Variants in CFLAR observed in about 807,000 individuals in gnomAD.
CFLAR encodes the protein CASP8 and FADD like apoptosis regulator.
Under a neutral mutation model 51.1 loss-of-function variants are expected in CFLAR, and 14 were observed. The observed-to-expected ratio is 0.27, with a 90% CI of 0.18 to 0.43. CFLAR has a LOEUF of 0.43. Among genes scored for constraint, CFLAR ranks in the 20% least tolerant of loss-of-function variants. The probability of loss-of-function intolerance (pLI) is 1.00; values close to 1 mark genes in which losing one functional copy is unlikely to be tolerated. For missense variants in CFLAR, 390 were observed against 566.5 expected, an observed-to-expected ratio of 0.69 and a Z score of 3.16; for synonymous variants, 210 against 211.6, an observed-to-expected ratio of 0.99 and a Z score of 0.06.
At chr2:201,157,333 G>T (rs947210592) in intron 8 of CFLAR, among the ~76,000 whole-genome samples, 1 of 152,116 alleles carries the variant, frequency 6.6e-6, no homozygotes, top group Non-Finnish European at 1.5e-5. Flanking sequence ...TAGAGATGGG[G>T]TTTCGCCATG....
intron 9 of CFLAR, 114 bp from the exon 10 acceptor site, chr2:201,163,721 C>T (rs191924529): frequency 6.7e-7 from 1 of 1,492,710 alleles, no homozygotes; most frequent in East Asian, 2.3e-5. Flanking sequence ...GTGGTGCCTT[C>T]AGAAAGGAAC....
Position 201,160,563 on chromosome 2 carries a change from G to T in CFLAR, c.925G>T (p.Val309Leu), listed in dbSNP as rs1942874274. The change falls in exon 9 of 10, where the codon GTG (valine) becomes TTG (leucine). Residue 309 changes from valine to leucine, a missense_variant. Transcript: ENST00000309955. ...CGAGCACCGAGACTACGACAGCTTT[G>T]TGTGTGTCCTGGTGAGCCGAGGAGG... ...MPEHRDYDSF[V>L]CVLVSRGGSQ... The T allele has an allele frequency of 6.2e-7, 1 of 1,613,960 alleles. No individual in the cohort carries two copies. The highest frequency in any genetic ancestry group is 1.3e-5 in the African/African-American group (1 of 74,878).
Position 201,145,426 on chromosome 2 carries a change from G to A in CFLAR, c.655G>A (p.Ala219Thr), listed in dbSNP as rs1196972510. 11 of 1,600,378 alleles carry A rather than the reference G, an allele frequency of 6.9e-6. No individual in the cohort carries two copies. Among genetic ancestry groups the A allele is most frequent in the South Asian group, 6.7e-5 (6 of 90,144 alleles). The change falls in exon 6 of 10, where the codon GCT becomes ACT. Residue 219 changes from alanine (A) to threonine (T), a missense_variant. Ala to Thr is a moderately conservative substitution (Grantham distance 58). Transcript: ENST00000309955. ...KEQRLKEQLG[A>T]QQEPVKKSIQ... Reference sequence around the variant, plus strand: ...ACAAAGACTTAAGGAACAGCTTGGCGCTCAACGTAAGACCACCTTTTTTTA... The same window carrying A: ...ACAAAGACTTAAGGAACAGCTTGGCACTCAACGTAAGACCACCTTTTTTTA...
intron 1 of CFLAR, among the ~76,000 whole-genome samples, chr2:201,121,438 G>T (rs1422398588): frequency 6.6e-6 from 1 of 152,154 alleles, no homozygotes; most frequent in Admixed American, 6.5e-5. Context: ...CCTAGAACGA[G>T]GACCCAGGCA....
At position 201,160,797 on chromosome 2, in the gene CFLAR, G is replaced by A. The variant is rs77962008; in HGVS notation, c.1159G>A (p.Ala387Thr). The change falls in exon 9 of 10, where the codon GCT (alanine) becomes ACT (threonine). Residue 387 changes from alanine to threonine, a missense_variant. Around this residue, in one of 2 missense-constraint regions of CFLAR, gnomAD observed 287 missense variants for 363.6 expected, o/e 0.79. Transcript: ENST00000309955. ...AGCGATGAAGAATGTGGAATTCAAG[G>A]CTCAGAAGCGAGGGCTGTGCACAGT... is the stretch of plus-strand genomic sequence containing the variant. ...GPAMKNVEFK[A>T]QKRGLCTVHR... The A allele has an allele frequency of 6.2e-7, 1 of 1,614,126 alleles. No homozygotes were observed. Among genetic ancestry groups the A allele is most frequent in the African/African-American group, 1.3e-5 (1 of 75,032 alleles).
rs1944175284 is a variant in CFLAR, at chr2:201,176,546, C to T, written c.*12573C>T. 6.6e-6 allele frequency: 1 copy of T among 152,160 alleles called. No homozygotes were observed. Among genetic ancestry groups the T allele is most frequent in the Non-Finnish European group, 1.5e-5 (1 of 68,032 alleles). The allele number at this position is 152,160 out of a possible 1,614,324, so 9.4% of individuals were successfully genotyped here. A position where few individuals can be genotyped will look rare whatever the true frequency, so the allele number is the denominator to read the frequency against. Reference sequence around the variant, plus strand: ...ATAGATGTGGCTAAGTCATATGCTTCCTTCTGAAAAATTATGTCAAATACT... The same window carrying T: ...ATAGATGTGGCTAAGTCATATGCTTTCTTCTGAAAAATTATGTCAAATACT... On this transcript the variant is annotated 3_prime_UTR_variant, in exon 10 of 10. Coordinates refer to ENST00000309955, the MANE Select transcript of CFLAR (RefSeq NM_003879.7).
chr2:201,141,211 CAA>C (rs1357202932), intron 5 of CFLAR, among the ~76,000 whole-genome samples: 2 of 152,130 alleles, frequency 1.3e-5, no homozygotes, highest in Admixed American at 6.5e-5. Flanking sequence ...GCCTGGGTGA[CAA>C]GAGCAAAACT....
At chr2:201,149,420 T>C (rs1940868111) in intron 7 of CFLAR, 1 of 295,028 alleles carries the variant, frequency 3.4e-6, no homozygotes, top group Non-Finnish European at 6.4e-6. Flanking sequence ...CTTGGGAACA[T>C]GCCACTTATA....
chr2:201,170,106 A>G lies in CFLAR; in HGVS notation c.*6133A>G, dbSNP rs1943922840. ...TGTCCCAGCAATCCCATTACTGGGTATATACCCAAAGGAATATAAACCATT... is the reference window on the plus strand; with the variant it reads ...TGTCCCAGCAATCCCATTACTGGGTGTATACCCAAAGGAATATAAACCATT... On this transcript the variant is annotated 3_prime_UTR_variant, in exon 10 of 10. Transcript: ENST00000309955. The G allele has an allele frequency of 6.6e-6, 1 of 152,248 alleles. No individual in the cohort carries two copies. The highest frequency in any genetic ancestry group is 6.5e-5 in the Admixed American group (1 of 15,276). 9.4% of individuals were successfully genotyped at this position (152,248 alleles called of 1,614,324 possible).
At chr2:201,159,935 T>G (rs1318502196) in intron 8 of CFLAR, among the ~76,000 whole-genome samples, 1 of 152,110 alleles carries the variant, frequency 6.6e-6, no homozygotes, top group Non-Finnish European at 1.5e-5. Flanking sequence ...GAGGCTCCAC[T>G]TCTATGGTGG....
chr2:201,128,538 A>T (rs917286198), intron 1 of CFLAR, among the ~76,000 whole-genome samples: 1 of 152,166 alleles, frequency 6.6e-6, no homozygotes, highest in African/African-American at 2.4e-5. Context: ...TTTTCTATTT[A>T]TGTGTTTTTA....
rs1944157173 is a variant in CFLAR at position 201,175,605 on chromosome 2, C to G, written c.*11632C>G. The G allele has an allele frequency of 6.6e-6, 1 of 152,114 alleles. No individual in the cohort carries two copies. The highest frequency in any genetic ancestry group is 2.4e-5 in the African/African-American group (1 of 41,400). The allele number at this position is 152,114 out of a possible 1,614,324, so 9.4% of individuals were successfully genotyped here. Reference sequence around the variant, plus strand: ...TGCCACTGTACTCCAGCCTGGGGAACAGAGTGAGACCCTGTCTCAAAATAA... The same window carrying G: ...TGCCACTGTACTCCAGCCTGGGGAAGAGAGTGAGACCCTGTCTCAAAATAA... On this transcript the variant is annotated 3_prime_UTR_variant, in exon 10 of 10. Transcript: ENST00000309955.
Position 201,124,760 on chromosome 2 carries a change from C to T in CFLAR, c.-137-4969C>T. On this transcript the variant is annotated intron_variant, in intron 1 of 9. Coordinates refer to ENST00000309955, the MANE Select transcript of CFLAR (RefSeq NM_003879.7). This position sits in a 1 kb window ranked among gnomAD's most constrained non-coding sequence, Gnocchi z 4.7. ...TGGATGAGAGACGGATGGTAGGCAC[C>T]AGCATTTAAGGGACAGGTGCAGAAA... 6.6e-6 allele frequency among the ~76,000 whole-genome samples: 1 copy of T among 152,072 alleles called. No homozygotes were observed. The highest frequency in any genetic ancestry group is 1.9e-4 in the East Asian group (1 of 5,194).
intron 8 of CFLAR, among the ~76,000 whole-genome samples, chr2:201,159,525 G>A (rs1942755181): frequency 6.6e-6 from 1 of 151,900 alleles, no homozygotes. Context: ...GGCTAGGCTG[G>A]TCTTGAACTC....
At chr2:201,163,302 A>G in intron 9 of CFLAR, 1 of 1,261,254 alleles carries the variant, frequency 7.9e-7, no homozygotes, top group African/African-American at 1.5e-5. Flanking sequence ...TTTAAGCTGA[A>G]TGAAGCCACA....
intron 4 of CFLAR, chr2:201,136,592 A>G: frequency 3.5e-6 from 5 of 1,445,176 alleles, no homozygotes; most frequent in Non-Finnish European, 4.5e-6. Context: ...CCAGATTCAC[A>G]TTGGCCTTCT....
intron 5 of CFLAR, among the ~76,000 whole-genome samples, chr2:201,143,176 T>C (rs1418229788): frequency 1.3e-5 from 2 of 152,218 alleles, no homozygotes; most frequent in African/African-American, 4.8e-5. Context: ...CCTTAAACTT[T>C]CTATATTTAA....
chr2:201,149,584 A>G (rs1227092873), intron 7 of CFLAR, 170 bp from the exon 8 acceptor site: 1 of 541,004 alleles, frequency 1.8e-6, no homozygotes, highest in Non-Finnish European at 3.3e-6. Flanking sequence ...TAATAGAGGA[A>G]AAATTTGATA....
At chr2:201,117,565 CT>C (rs1203930664) in intron 1 of CFLAR, among the ~76,000 whole-genome samples, 3 of 152,110 alleles carry the variant, frequency 2.0e-5, no homozygotes, top group African/African-American at 4.8e-5. Flanking sequence ...ATAAGTAAAG[CT>C]TTTTGGACAT....
Sources: gnomAD v4.1 joint callset for allele counts (sites outside exome capture counted in the v4.1 genomes callset) on GRCh38, gnomAD v4.1.1 for gene constraint, gnomAD v4.1.1 regional missense constraint, Gnocchi (gnomAD v3.1) non-coding constraint, MANE v1.5 for transcripts, NCBI Gene and HGNC (gene_info 2026-07-23, HGNC 2026-07-21) for gene names.